MIOS: variants seen among roughly 807,000 people sequenced by gnomAD.
MIOS encodes GATOR2 complex protein MIOS.
A neutral mutation model predicts 96.9 loss-of-function variants in MIOS; 52 were observed. The observed-to-expected ratio is 0.54, with a 90% CI of 0.43 to 0.68. The LOEUF (loss-of-function observed/expected upper bound fraction) is 0.68, where lower values mean the gene tolerates loss of function less well. Ranked by LOEUF, MIOS falls within the 30% of genes least tolerant of loss-of-function variation. The pLI is 0.00. For missense variants in MIOS, 1,005 were observed against 1,052.8 expected (o/e 0.95, Z 0.63); for synonymous variants, 397 against 359.5 (o/e 1.10, Z -1.18).
At chr7:7,582,899 G>T in intron 5 of MIOS, 1 of 502,614 alleles carries the variant, frequency 2.0e-6, no homozygotes. Context: ...CTGAGCATTT[G>T]CTCTTATTTC....
intron 11 of MIOS, among the ~76,000 whole-genome samples, chr7:7,597,492 A>AAATTT (rs1449075945): frequency 1.6e-5 from 1 of 63,518 alleles, no homozygotes. Context: ...ATATATATAT[A>AAATTT]TATATATATA....
chr7:7,571,167 T>C (rs1344963217), intron 3 of MIOS, among the ~76,000 whole-genome samples: 2 of 152,234 alleles, frequency 1.3e-5, no homozygotes, highest in Non-Finnish European at 1.5e-5. Flanking sequence ...ATTTTAAGTA[T>C]GTTCATTCTT....
chr7:7,600,061 G>A (rs1202701038), intron 11 of MIOS, among the ~76,000 whole-genome samples: 1 of 151,864 alleles, frequency 6.6e-6, no homozygotes, highest in Non-Finnish European at 1.5e-5. Context: ...TACCTGTCGG[G>A]TACTATGTTT....
At chr7:7,606,538 T>A (rs774732333) in intron 12 of MIOS, among the ~76,000 whole-genome samples, 8 of 152,344 alleles carry the variant, frequency 5.3e-5, no homozygotes, top group Non-Finnish European at 8.8e-5. Flanking sequence ...CCTGTGCTCC[T>A]GGTTGATACA....
At chr7:7,574,277 TTATC>T (rs1304315272) in intron 5 of MIOS, 81 bp downstream of exon 5, 15 of 975,814 alleles carry the variant, frequency 1.5e-5, no homozygotes, top group East Asian at 2.7e-5. Flanking sequence ...TTGGCAGAAA[TTATC>T]TAGTTATTTC....
intron 6 of MIOS, among the ~76,000 whole-genome samples, chr7:7,583,835 T>C (rs896104083): frequency 6.6e-6 from 1 of 152,178 alleles, no homozygotes; most frequent in African/African-American, 2.4e-5. Context: ...CAAATTGTTA[T>C]AAAAAGCATA....
At chr7:7,602,662 T>C (rs541620594) in intron 11 of MIOS, among the ~76,000 whole-genome samples, 22 of 152,150 alleles carry the variant, frequency 1.4e-4, no homozygotes, top group Non-Finnish European at 1.9e-4. Flanking sequence ...AGGTAATTTA[T>C]AGATTCAGTG....
rs751715610 is a variant in MIOS at position 7,596,458 on chromosome 7, C to T, written c.2398C>T (p.Pro800Ser). The change falls in exon 11 of 13, where the codon CCT (proline) becomes TCT (serine). Residue 800 changes from proline to serine, a missense_variant. Around this residue, in one of 3 missense-constraint regions of MIOS, gnomAD observed 865 missense variants for 887.9 expected, o/e 0.97. Coordinates refer to ENST00000340080, the MANE Select transcript of MIOS (RefSeq NM_019005.4). ...INMGTPVSSCPGGTKSDEKVD... is the reference protein window; with the variant it reads ...INMGTPVSSCSGGTKSDEKVD... The stretch of plus-strand genomic sequence containing the variant: ...TATGGGAACACCAGTTTCTAGCTGT[C>T]CTGGTATGACATAATTTTACAAAAT... 3 of 1,612,350 alleles carry T rather than the reference C, an allele frequency of 1.9e-6. No individual in the cohort carries two copies. The Admixed American group carries it at 5.0e-5, about 27-fold the overall frequency.
chr7:7,603,251 A>C (rs1784430472), intron 11 of MIOS, among the ~76,000 whole-genome samples: 1 of 151,700 alleles, frequency 6.6e-6, no homozygotes, highest in Non-Finnish European at 1.5e-5. Context: ...TGCACAGCAA[A>C]AGAAACTACC....
At chr7:7,582,885 C>T (rs1158382935) in intron 5 of MIOS, 11 of 451,030 alleles carry the variant, frequency 2.4e-5, no homozygotes, top group Non-Finnish European at 4.0e-5. Context: ...TCAGTTTAGT[C>T]CATCTGAGCA....
chr7:7,582,678 G>A (rs1176666617), intron 5 of MIOS: 5 of 939,564 alleles, frequency 5.3e-6, no homozygotes, highest in Non-Finnish European at 6.3e-6. Context: ...TCAGACAGTA[G>A]GGATACCTTG....
At chr7:7,601,235 A>G (rs1013113536) in intron 11 of MIOS, among the ~76,000 whole-genome samples, 7 of 152,276 alleles carry the variant, frequency 4.6e-5, no homozygotes, top group African/African-American at 1.7e-4. Flanking sequence ...AACTGAAGGA[A>G]ATAGAGACAC....
chr7:7,568,733 G>T (rs1279311129), intron 3 of MIOS, among the ~76,000 whole-genome samples: 5 of 152,170 alleles, frequency 3.3e-5, no homozygotes, highest in African/African-American at 7.2e-5. Flanking sequence ...AATCTAGGAC[G>T]GAAGTTGAGA....
chr7:7,582,536 G>A (rs776334442), intron 5 of MIOS: 23 of 521,786 alleles, frequency 4.4e-5, no homozygotes, highest in Non-Finnish European at 5.4e-5. Flanking sequence ...GGGAAAAATA[G>A]CCCTCAAGTT....
chr7:7,594,849 A>T (rs1784157126), intron 9 of MIOS, 131 bp from the exon 10 acceptor site: 2 of 538,904 alleles, frequency 3.7e-6, no homozygotes, highest in South Asian at 8.8e-5. Context: ...TCTCATTAGG[A>T]GCCAGCTTTT....
rs565504194 is a variant in MIOS, at chr7:7,602,001, G to A, written c.2402-3941G>A. ...TGATTATCTCAATAGATGCAGAAAA[G>A]GCCTTTGACAAAATTCAACAACCCT... On this transcript the variant is annotated intron_variant, in intron 11 of 12. Transcript: ENST00000340080. Among the ~76,000 whole-genome samples the A allele has an allele frequency of 9.9e-4, 150 of 152,236 alleles. 2 individuals are homozygous for A. In the Middle Eastern group the frequency reaches 0.017, roughly 17 times the overall value.
At chr7:7,595,683 A>C (rs1268243748) in intron 10 of MIOS, among the ~76,000 whole-genome samples, 1 of 152,230 alleles carries the variant, frequency 6.6e-6, no homozygotes, top group Non-Finnish European at 1.5e-5. Flanking sequence ...AACTTGAGAA[A>C]GTGCTTATGT....
rs140811540 is a variant in MIOS at position 7,574,729 on chromosome 7, A to G, written c.1393+533A>G. Among the ~76,000 whole-genome samples the G allele has an allele frequency of 7.9e-5, 12 of 152,224 alleles. No individual in the cohort carries two copies. In the South Asian group the frequency reaches 2.1e-3, roughly 26 times the overall value. ...AATTAATTAACGTGTGAGTTAATGTAGGATTGAAAATTGGTATGGTAAACT... is the reference window on the plus strand; with the variant it reads ...AATTAATTAACGTGTGAGTTAATGTGGGATTGAAAATTGGTATGGTAAACT... On this transcript the variant is annotated intron_variant, in intron 5 of 12. Transcript: ENST00000340080.
At chr7:7,606,802 A>G (rs1016988170) in intron 12 of MIOS, among the ~76,000 whole-genome samples, 194 bp from the exon 13 acceptor site, 1 of 152,142 alleles carries the variant, frequency 6.6e-6, no homozygotes, top group East Asian at 1.9e-4. Flanking sequence ...ATATAAGTAA[A>G]CAGGTGGGCA....
Sources: gnomAD v4.1 joint callset for allele counts (sites outside exome capture counted in the v4.1 genomes callset) on GRCh38, gnomAD v4.1.1 for gene constraint, gnomAD v4.1.1 regional missense constraint, MANE v1.5 for transcripts, NCBI Gene and HGNC (gene_info 2026-07-23, HGNC 2026-07-21) for gene names.